Variants in GCNT4 observed in about 807,000 individuals in gnomAD.
GCNT4 encodes the protein glucosaminyl (N-acetyl) transferase 4.
In GCNT4, 17 loss-of-function variants were observed where a neutral mutation model predicts 31.3. The observed-to-expected ratio is 0.54, with a 90% CI of 0.37 to 0.81. GCNT4 has a LOEUF of 0.81. GCNT4 is among the 40% of genes least tolerant of loss of function. The probability of loss-of-function intolerance (pLI) is 0.00; values close to 1 mark genes in which losing one functional copy is unlikely to be tolerated. For synonymous variants in GCNT4, 158 were observed against 190.6 expected (o/e 0.83, Z 1.41); for missense variants, 503 against 525.5 (o/e 0.96, Z 0.42).
At chr5:75,046,279 G>A (rs1057149092) in intron 3 of GCNT4, among the ~76,000 whole-genome samples, 1 of 152,166 alleles carries the variant, frequency 6.6e-6, no homozygotes, top group Non-Finnish European at 1.5e-5. Context: ...GGTGATGGCT[G>A]GGCAGAGTGA....
In GCNT4 at chr5:75,029,367, A is replaced by T; in HGVS notation, c.671T>A (p.Ile224Asn). 2 of 1,614,170 alleles carry T rather than the reference A, an allele frequency of 1.2e-6. No individual in the cohort carries two copies. Among genetic ancestry groups the T allele is most frequent in the Non-Finnish European group, 1.7e-6 (2 of 1,180,018 alleles). ...GGGAAAATCTTGCCCACACAAGTTGATAACATATTTCCACTGGATTGAAGA... is the reference window on the plus strand; with the variant it reads ...GGGAAAATCTTGCCCACACAAGTTGTTAACATATTTCCACTGGATTGAAGA... ...LKSSIQWKYV[I>N]NLCGQDFPLK... The change falls in exon 4 of 4, where the codon ATC becomes AAC. Residue 224 changes from isoleucine (I) to asparagine (N), a missense_variant. Transcript: ENST00000652361.
intron 2 of GCNT4, among the ~76,000 whole-genome samples, chr5:75,049,453 T>A (rs933938740): frequency 1.3e-5 from 2 of 152,136 alleles, no homozygotes; most frequent in Admixed American, 6.5e-5. Context: ...GAGCCCACCA[T>A]CCCCAGAGAT....
At chr5:75,034,215 A>G (rs911210630) in intron 3 of GCNT4, among the ~76,000 whole-genome samples, 5 of 152,138 alleles carry the variant, frequency 3.3e-5, no homozygotes, top group African/African-American at 1.2e-4. Flanking sequence ...CCGGTCCCCA[A>G]CCTTGGTTCA....
chr5:75,021,967 C>T (rs553679812), downstream of GCNT4, among the ~76,000 whole-genome samples: 5 of 152,254 alleles, frequency 3.3e-5, no homozygotes, highest in South Asian at 2.1e-4. Flanking sequence ...AACATTTACA[C>T]GATCCTGAGT....
intron 3 of GCNT4, among the ~76,000 whole-genome samples, chr5:75,045,600 C>A (rs1450711849): frequency 1.3e-5 from 2 of 152,218 alleles, no homozygotes; most frequent in Non-Finnish European, 2.9e-5. Context: ...CAAGGGTGTA[C>A]AAACACCTGT....
At chr5:75,046,566 T>A (rs186259071) in intron 3 of GCNT4, among the ~76,000 whole-genome samples, 1 of 151,988 alleles carries the variant, frequency 6.6e-6, no homozygotes, top group Admixed American at 6.5e-5. Flanking sequence ...TGGAAACAGG[T>A]CTAACCTACC....
chr5:75,035,810 C>G (rs1243107342), intron 3 of GCNT4, among the ~76,000 whole-genome samples: 1 of 152,194 alleles, frequency 6.6e-6, no homozygotes, highest in Admixed American at 6.5e-5. Flanking sequence ...ACTGGAAAAT[C>G]TGAGATGATT....
At chr5:75,032,422 T>C (rs146601858) in intron 3 of GCNT4, among the ~76,000 whole-genome samples, 179 of 152,306 alleles carry the variant, frequency 1.2e-3, no homozygotes, top group African/African-American at 4.0e-3. Context: ...TCACCTCGCC[T>C]GCGTCTTCTG....
chr5:75,023,707 T>TA (rs1272614895), downstream of GCNT4: 1 of 152,226 alleles, frequency 6.6e-6, no homozygotes, highest in East Asian at 1.9e-4. Flanking sequence ...CAGAGAACTA[T>TA]AATGCTTTTG....
chr5:75,017,962 A>G, the GCNT4 span, among the ~76,000 whole-genome samples: 2 of 152,332 alleles, frequency 1.3e-5, no homozygotes, highest in East Asian at 3.9e-4. Context: ...GGGTGGGTCT[A>G]TGGACCAGCA....
intron 3 of GCNT4, among the ~76,000 whole-genome samples, chr5:75,046,456 G>A (rs1039048620): frequency 2.6e-4 from 40 of 152,162 alleles, no homozygotes; most frequent in Middle Eastern, 3.2e-3. Flanking sequence ...GTCCTGGGCC[G>A]AACTGTCCCC....
upstream of GCNT4, among the ~76,000 whole-genome samples, chr5:75,053,406 T>C (rs1488218527): frequency 6.6e-6 from 1 of 151,874 alleles, no homozygotes; most frequent in Non-Finnish European, 1.5e-5. Context: ...AAAACGAAAG[T>C]CGTGAGGAGC....
At chr5:75,053,316 C>T (rs1011550808), upstream of GCNT4, among the ~76,000 whole-genome samples, 1 of 151,974 alleles carries the variant, frequency 6.6e-6, no homozygotes, top group Non-Finnish European at 1.5e-5. Flanking sequence ...GGGTTCAGCC[C>T]GGTTCCCCGC....
In GCNT4 at chr5:75,030,020, A is replaced by C. The variant is rs749888462; in HGVS notation, c.18T>G (p.Cys6Trp). The C allele has an allele frequency of 6.3e-7, 1 of 1,594,966 alleles. No individual in the cohort carries two copies. The highest frequency in any genetic ancestry group is 8.5e-7 in the Non-Finnish European group (1 of 1,172,918). ...TCTGCTGTAGGGTATGTTTAAAATA[A>C]CATTTGAATATCTTCATTCTGTAAG... The part of the protein sequence containing the change: MKIFK[C>W]YFKHTLQQKV... The change falls in exon 4 of 4, where the codon TGT becomes TGG. Residue 6 changes from cysteine to tryptophan, a missense_variant. Coordinates refer to ENST00000652361, the MANE Select transcript of GCNT4 (RefSeq NM_001366737.1).
rs1477573304 is a variant in GCNT4, at chr5:75,027,733, AG to A, written c.*942del. ...AAAGTTTAGTGACTCTTAGCTTGAT[AG>A]TTCCATACAACAGAATTATAATGAT... On this transcript the variant is annotated 3_prime_UTR_variant, in exon 4 of 4. Transcript: ENST00000652361. 1 of 152,528 alleles carries A rather than the reference AG, an allele frequency of 6.6e-6. No individual in the cohort carries two copies. The highest frequency in any genetic ancestry group is 1.9e-4 in the East Asian group (1 of 5,196). 9.4% of individuals were successfully genotyped at this position (152,528 alleles called of 1,614,324 possible). A position where few individuals can be genotyped will look rare whatever the true frequency, so the allele number is the denominator to read the frequency against.
intron 3 of GCNT4, among the ~76,000 whole-genome samples, chr5:75,042,448 G>T (rs1042047297): frequency 9.9e-5 from 15 of 151,958 alleles, no homozygotes; most frequent in Non-Finnish European, 2.9e-5. Context: ...TTTTTCAACT[G>T]GCCAAAATTA....
chr5:75,047,170 A>G lies in GCNT4; in HGVS notation c.-2+727T>C, dbSNP rs369423834. ...CCTTATGAGGGCTCCCCTGTCACAT[A>G]AAACTTATATTAAATAAATTTGTGT... is the stretch of plus-strand genomic sequence containing the variant. On this transcript the variant is annotated intron_variant, in intron 3 of 3. Coordinates refer to ENST00000652361, the MANE Select transcript of GCNT4 (RefSeq NM_001366737.1). 6.6e-5 allele frequency among the ~76,000 whole-genome samples: 10 copies of G among 152,288 alleles called. No homozygotes were observed. In the East Asian group the frequency reaches 1.7e-3, roughly 26 times the overall value.
At chr5:75,018,304 T>G in the GCNT4 span, among the ~76,000 whole-genome samples, 1 of 152,146 alleles carries the variant, frequency 6.6e-6, no homozygotes, top group Admixed American at 6.5e-5. Flanking sequence ...TTTTTTGAGA[T>G]GGAGTCTCAC....
chr5:75,041,962 G>T (rs1743330496), intron 3 of GCNT4, among the ~76,000 whole-genome samples: 1 of 152,122 alleles, frequency 6.6e-6, no homozygotes, highest in Admixed American at 6.5e-5. Context: ...TTTCTCTAAA[G>T]AAAATTCTAA....
Sources: allele counts gnomAD v4.1 joint callset (sites outside exome capture counted in the v4.1 genomes callset), GRCh38; gene constraint gnomAD v4.1.1; transcripts MANE v1.5; gene names NCBI Gene and HGNC (gene_info 2026-07-23, HGNC 2026-07-21).